Variants in CENPO observed in about 807,000 individuals in gnomAD.
CENPO encodes the protein centromere protein O.
Under a neutral mutation model 36.1 loss-of-function variants are expected in CENPO, and 30 were observed. The ratio of observed to expected loss-of-function variants is 0.83; its 90% CI spans 0.62 to 1.13. CENPO has a LOEUF of 1.13. Among genes scored for constraint, CENPO ranks in the 50% most tolerant of loss-of-function variants. The pLI is 0.00. For missense variants in CENPO, 349 were observed against 357.8 expected (o/e 0.98, Z 0.20); for synonymous variants, 171 against 142.3 (o/e 1.20, Z -1.44).
chr2:24,811,299 T>TTTTTTTGG (rs1666672731), intron 3 of CENPO, among the ~76,000 whole-genome samples: 1 of 141,196 alleles, frequency 7.1e-6, no homozygotes, highest in African/African-American at 2.5e-5. Flanking sequence ...TTTTTTTTTT[T>TTTTTTTGG]GAGACGGAGC....
intron 3 of CENPO, among the ~76,000 whole-genome samples, chr2:24,805,527 T>C (rs1666361378): frequency 6.6e-6 from 1 of 152,238 alleles, no homozygotes. Flanking sequence ...TTCTGTTTGT[T>C]AGTTTTCCTT....
intron 2 of CENPO, among the ~76,000 whole-genome samples, chr2:24,795,565 A>G (rs1301415733): frequency 6.6e-6 from 1 of 152,200 alleles, no homozygotes; most frequent in Non-Finnish European, 1.5e-5. Context: ...AGAGCCTGAG[A>G]AGAGGGCTGT....
intron 3 of CENPO, among the ~76,000 whole-genome samples, chr2:24,804,436 A>G (rs112721584): frequency 0.13 from 19,878 of 152,124 alleles, 1,371 homozygotes; most frequent in East Asian, 0.21. Context: ...GGTCTTTACA[A>G]TTTGGCATGT....
intron 3 of CENPO, among the ~76,000 whole-genome samples, chr2:24,807,418 T>C (rs1038902960): frequency 4.6e-5 from 7 of 152,358 alleles, no homozygotes; most frequent in Non-Finnish European, 8.8e-5. Flanking sequence ...CTGGCTTCTT[T>C]TGCTGAATGT....
rs200386691 is a variant in CENPO at position 24,815,666 on chromosome 2, T to G, written c.504T>G (p.Tyr168Ter). 1 of 1,614,076 alleles carries G rather than the reference T, an allele frequency of 6.2e-7. No individual in the cohort carries two copies. Residue 168 changes from tyrosine (Y) to a stop codon, truncating the protein, a stop_gained, in exon 5 of 8, where the codon TAT (tyrosine) becomes TAG (stop). Coordinates refer to ENST00000380834, the MANE Select transcript of CENPO (RefSeq NM_001322101.2). LOFTEE classifies it high-confidence loss of function. ...FIPLEEIAAK[Y>*]LQTNIQHFLF... is the part of the protein sequence containing the mutation. ...CCCTGGAAGAGATAGCTGCAAAATA[T>G]TTACAGACCAACATCCAGCACTTCC...
chr2:24,799,785 C>G lies in CENPO; in HGVS notation c.157C>G (p.His53Asp), dbSNP rs1572723341. 1 of 1,614,022 alleles carries G rather than the reference C, an allele frequency of 6.2e-7. No homozygotes were observed. Among genetic ancestry groups the G allele is most frequent in the Non-Finnish European group, 8.5e-7 (1 of 1,180,038 alleles). ...GGAAGGTGCTCTTGGAACCAAGATT[C>G]ATAAACTAAGGCGTCTGCGAGATGA... Reference protein sequence around the residue: ...AQEGALGTKIHKLRRLRDELR... With the variant: ...AQEGALGTKIDKLRRLRDELR... The change falls in exon 3 of 8, where the codon CAT becomes GAT. Residue 53 changes from histidine to aspartate, a missense_variant. Physicochemically the swap from His to Asp is moderately conservative, Grantham distance 81. Coordinates refer to ENST00000380834, the MANE Select transcript of CENPO (RefSeq NM_001322101.2).
chr2:24,814,485 A>C lies in CENPO; in HGVS notation c.326A>C (p.His109Pro). 5 of 1,499,268 alleles carry C rather than the reference A, an allele frequency of 3.3e-6. No individual in the cohort carries two copies. Among genetic ancestry groups the C allele is most frequent in the Non-Finnish European group, 4.6e-6 (5 of 1,075,330 alleles). 92.9% of individuals were successfully genotyped at this position (1,499,268 alleles called of 1,614,324 possible). ...GTGAAAGCCATTCTGCAGGCATATC[A>C]TTTTACAGGTTTTGTTTGTTTTTTT... Reference protein sequence around the residue: ...ENVKAILQAYHFTGLSGKLTS... With the variant: ...ENVKAILQAYPFTGLSGKLTS... The change falls in exon 4 of 8, where the codon CAT (histidine) becomes CCT (proline). Residue 109 changes from histidine to proline, a missense_variant. Physicochemically the swap from His to Pro is moderately conservative, Grantham distance 77 (BLOSUM62 -2). Transcript: ENST00000380834.
intron 3 of CENPO, among the ~76,000 whole-genome samples, chr2:24,800,130 C>T (rs1465812296): frequency 6.6e-6 from 1 of 152,068 alleles, no homozygotes; most frequent in Non-Finnish European, 1.5e-5. Flanking sequence ...ACCAGAAATA[C>T]AAAAATTAGC....
Position 24,793,891 on chromosome 2 carries a change from C to T in CENPO, c.-29C>T, listed in dbSNP as rs56406601. ...TCCCTATCACCGGTTGCCTAGACAA[C>T]TTCATGGGAAGGCCCTTGGGAATCT... On this transcript the variant is annotated 5_prime_UTR_variant, in exon 2 of 8. Transcript: ENST00000380834. 1 of 1,614,166 alleles carries T rather than the reference C, an allele frequency of 6.2e-7. No homozygotes were observed. Among genetic ancestry groups the T allele is most frequent in the Non-Finnish European group, 8.5e-7 (1 of 1,180,018 alleles).
intron 7 of CENPO, among the ~76,000 whole-genome samples, chr2:24,818,806 T>G (rs1232839333): frequency 1.3e-5 from 2 of 152,218 alleles, no homozygotes. Flanking sequence ...CACTCACAGA[T>G]ATGAAAACCT....
chr2:24,793,704 G>T, intron 1 of CENPO, 148 bp from the exon 2 acceptor site: 14 of 966,494 alleles, frequency 1.4e-5, no homozygotes, highest in Non-Finnish European at 2.2e-5. Flanking sequence ...GACGATGGGA[G>T]AGGGCGGGCG....
rs769211623 is a variant in CENPO at position 24,816,799 on chromosome 2, G to A, written c.748G>A (p.Val250Ile). Residue 250 changes from valine (V) to isoleucine (I), a missense_variant, in exon 6 of 8, where the codon GTC (valine) becomes ATC (isoleucine). By Grantham distance (29) the Val-to-Ile change is conservative. Coordinates refer to ENST00000380834, the MANE Select transcript of CENPO (RefSeq NM_001322101.2). Reference protein sequence around the residue: ...KDLTATLPTDVTVTCQGVEVL... With the variant: ...KDLTATLPTDITVTCQGVEVL... Reference sequence around the variant, plus strand: ...CCTCACAGCAACTCTTCCCACTGACGTCACCGTGACATGTCAAGGTAAGAA... The same window carrying A: ...CCTCACAGCAACTCTTCCCACTGACATCACCGTGACATGTCAAGGTAAGAA... 5.6e-6 allele frequency: 9 copies of A among 1,602,838 alleles called. No individual in the cohort carries two copies. Among genetic ancestry groups the A allele is most frequent in the South Asian group, 1.1e-5 (1 of 88,950 alleles).
In CENPO at chr2:24,820,340, CTCTCCTAGG is replaced by C; in HGVS notation, c.*1023_*1031del. ...GGGGCCTCCTCTCATCCAGAGACTT[CTCTCCTAGG>C]ATGGCCATGGTCACCTGGGTGGCAG... is the stretch of plus-strand genomic sequence containing the variant. On this transcript the variant is annotated 3_prime_UTR_variant, in exon 8 of 8. Coordinates refer to ENST00000380834, the MANE Select transcript of CENPO (RefSeq NM_001322101.2). The C allele has an allele frequency of 7.5e-7, 1 of 1,332,930 alleles. No individual in the cohort carries two copies. Among genetic ancestry groups the C allele is most frequent in the South Asian group, 2.2e-5 (1 of 46,128 alleles). 82.6% of individuals were successfully genotyped at this position (1,332,930 alleles called of 1,614,324 possible).
At position 24,815,237 on chromosome 2, in the gene CENPO, C is replaced by CAAAA. The variant is rs36071782; in HGVS notation, c.335-244_335-241dup. Among the ~76,000 whole-genome samples, 14 of 109,064 alleles carry CAAAA rather than the reference C, an allele frequency of 1.3e-4. No homozygotes were observed. The East Asian group carries it at 3.5e-3, about 28-fold the overall frequency. 71.6% of individuals were successfully genotyped at this position (109,064 alleles called of 152,430 possible). ...TGGGTGACAGAGTGAAACCCTATCT[C>CAAAA]AAAAAAAAAAAAAAAAAAATTTCTC... On this transcript the variant is annotated intron_variant, in intron 4 of 7. Coordinates refer to ENST00000380834, the MANE Select transcript of CENPO (RefSeq NM_001322101.2).
chr2:24,816,916 C>T (rs1211827433), intron 6 of CENPO, 99 bp downstream of exon 6: 24 of 1,174,638 alleles, frequency 2.0e-5, no homozygotes, highest in Non-Finnish European at 2.7e-5. Context: ...TCTTGAGACA[C>T]TTTCTCTGTT....
chr2:24,808,296 C>T (rs2148274443), intron 3 of CENPO, among the ~76,000 whole-genome samples: 1 of 152,260 alleles, frequency 6.6e-6, no homozygotes, highest in East Asian at 1.9e-4. Context: ...GCACCCTCCA[C>T]CTCCTGGGTT....
chr2:24,808,723 T>C (rs1666542819), intron 3 of CENPO, among the ~76,000 whole-genome samples: 1 of 152,210 alleles, frequency 6.6e-6, no homozygotes, highest in Non-Finnish European at 1.5e-5. Context: ...TGATGTATCA[T>C]CTTTTTAATA....
At chr2:24,805,843 C>G (rs1278595169) in intron 3 of CENPO, among the ~76,000 whole-genome samples, 1 of 152,226 alleles carries the variant, frequency 6.6e-6, no homozygotes, top group African/African-American at 2.4e-5. Context: ...CCACTACTCT[C>G]TTCAAACTAT....
In CENPO at chr2:24,799,669, C is replaced by T. The variant is rs775914029; in HGVS notation, c.47-6C>T. 6.2e-7 allele frequency: 1 copy of T among 1,610,368 alleles called. No individual in the cohort carries two copies. The highest frequency in any genetic ancestry group is 8.5e-7 in the Non-Finnish European group (1 of 1,177,902). ...TCTTGTAAAATTCTCCTTTTACTCT[C>T]CTTAGGTGTTTTAGCTCACTTGGAA... On this transcript the variant is annotated splice_region_variant and splice_polypyrimidine_tract_variant and intron_variant, in intron 2 of 7. Transcript: ENST00000380834.
Sources: gnomAD v4.1 joint callset for allele counts (sites outside exome capture counted in the v4.1 genomes callset) on GRCh38, gnomAD v4.1.1 for gene constraint, MANE v1.5 for transcripts, NCBI Gene and HGNC (gene_info 2026-07-23, HGNC 2026-07-21) for gene names.